AHCY: variants seen among roughly 807,000 people sequenced by gnomAD.
AHCY encodes the protein S-adenosyl-L-homocysteine hydrolase.
AHCY carries 24 observed loss-of-function variants against 45.4 expected under a neutral mutation model. The ratio of observed to expected loss-of-function variants is 0.53; its 90% CI spans 0.38 to 0.74. AHCY has a LOEUF of 0.74. Among genes scored for constraint, AHCY ranks in the 30% least tolerant of loss-of-function variants. AHCY has a pLI of 0.00. For missense variants in AHCY, 449 were observed against 594.1 expected (o/e 0.76, Z 2.54); for synonymous variants, 245 against 235.1 (o/e 1.04, Z -0.39).
chr20:34,279,779 A>T (rs554335379), downstream of AHCY, among the ~76,000 whole-genome samples: 1 of 152,108 alleles, frequency 6.6e-6, no homozygotes, highest in Non-Finnish European at 1.5e-5. Context: ...GTTTTACTTG[A>T]CATTGTATCT....
intron 9 of AHCY, among the ~76,000 whole-genome samples, chr20:34,284,678 C>A (rs1249986403): frequency 1.3e-5 from 2 of 152,082 alleles, no homozygotes; most frequent in Non-Finnish European, 2.9e-5. Flanking sequence ...AAAAAATTAG[C>A]CAAGTGTGGT....
At chr20:34,298,069 G>A (rs919270496) in intron 1 of AHCY, among the ~76,000 whole-genome samples, 3 of 152,056 alleles carry the variant, frequency 2.0e-5, no homozygotes, top group African/African-American at 4.8e-5. Flanking sequence ...AACCTGGGAG[G>A]CAGAGGCTGC....
At chr20:34,255,335 T>C in the AHCY span, among the ~76,000 whole-genome samples, 72 of 152,250 alleles carry the variant, frequency 4.7e-4, 1 homozygote, top group Middle Eastern at 6.8e-3. Flanking sequence ...TCTTTCTTCC[T>C]TTCTTTTCTT....
In AHCY at chr20:34,285,578, C is replaced by G. The variant is rs1317261970; in HGVS notation, c.1029G>C (p.Arg343=). The stretch of plus-strand genomic sequence containing the variant: ...CCATGGCACAACCCAGGTTGACCAG[C>G]CGACCCTCGGCCAGCAGGATGATGC... ...GRRIILLAEG[R]LVNLGCAMGH... The change falls in exon 9 of 10, where the codon CGG becomes CGC. Residue 343 remains arginine (R), a synonymous_variant. Coordinates refer to ENST00000217426, the MANE Select transcript of AHCY (RefSeq NM_000687.4). 1 of 1,613,934 alleles carries G rather than the reference C, an allele frequency of 6.2e-7. No homozygotes were observed. The highest frequency in any genetic ancestry group is 1.7e-5 in the Admixed American group (1 of 59,982).
chr20:34,286,830 G>A (rs1178768040), intron 8 of AHCY, among the ~76,000 whole-genome samples: 5 of 73,880 alleles, frequency 6.8e-5, no homozygotes, highest in African/African-American at 1.8e-4. Context: ...GCGAAACTCC[G>A]TCTCAAAAAA....
At chr20:34,263,097 G>A in the AHCY span, among the ~76,000 whole-genome samples, 1 of 152,296 alleles carries the variant, frequency 6.6e-6, no homozygotes. Flanking sequence ...AGTCCACTGA[G>A]CAAAATAGGT....
At position 34,292,362 on chromosome 20, in the gene AHCY, C is replaced by T; in HGVS notation, c.441G>A (p.Leu147=). The part of the protein sequence containing the change: ...NLIHTKYPQL[L]PGIRGISEET... ...CACCTGCCCCGCCCTGCTCACCTGGCAGAAGCTGCGGGTACTTGGTGTGGA... is the reference window on the plus strand; with the variant it reads ...CACCTGCCCCGCCCTGCTCACCTGGTAGAAGCTGCGGGTACTTGGTGTGGA... Residue 147 remains leucine (L), a synonymous_variant, in exon 4 of 10, where the codon CTG becomes CTA. Coordinates refer to ENST00000217426, the MANE Select transcript of AHCY (RefSeq NM_000687.4). The T allele has an allele frequency of 1.2e-6, 2 of 1,613,074 alleles. No individual in the cohort carries two copies. The highest frequency in any genetic ancestry group is 1.9e-4 in the Middle Eastern group (1 of 5,332).
At position 34,309,941 on chromosome 20, in the gene AHCY, G is replaced by T. The variant is rs11700130; in HGVS notation, c.-57+1531C>A. ...AGAAGGAAGGAAGGAAGGGAAGGAGGGAGGGAAGGGAAGGAAGGAAACAAT... is the reference window on the plus strand; with the variant it reads ...AGAAGGAAGGAAGGAAGGGAAGGAGTGAGGGAAGGGAAGGAAGGAAACAAT... On this transcript the variant is annotated intron_variant, in intron 1 of 9. Coordinates refer to the AHCY transcript ENST00000538132. Among the ~76,000 whole-genome samples, 653 of 151,594 alleles carry T rather than the reference G, an allele frequency of 4.3e-3. 1 individual carries two copies. Among genetic ancestry groups the T allele is most frequent in the Non-Finnish European group, 7.4e-3 (501 of 67,866 alleles).
chr20:34,260,315 T>C, the AHCY span: 1 of 1,544,582 alleles, frequency 6.5e-7, no homozygotes, highest in Admixed American at 1.8e-5. Flanking sequence ...GAAGGCCTCT[T>C]ACCATTACCC....
chr20:34,234,520 C>CCTTT, the AHCY span, among the ~76,000 whole-genome samples: 1 of 151,954 alleles, frequency 6.6e-6, no homozygotes, highest in Non-Finnish European at 1.5e-5. Context: ...TTCCTTCCTT[C>CCTTT]CTTCCTTTCT....
At chr20:34,308,655 A>ATT (rs745327223) in intron 1 of AHCY, among the ~76,000 whole-genome samples, 5 of 142,526 alleles carry the variant, frequency 3.5e-5, no homozygotes, top group East Asian at 2.0e-4. Flanking sequence ...TAATTTGGCA[A>ATT]TTTTTTTTTT....
chr20:34,274,261 T>C, the AHCY span, among the ~76,000 whole-genome samples: 1 of 152,188 alleles, frequency 6.6e-6, no homozygotes, highest in Non-Finnish European at 1.5e-5. Context: ...ACTATCAAAT[T>C]AACGTCTTGA....
chr20:34,278,299 C>T (rs1601629365), downstream of AHCY, among the ~76,000 whole-genome samples: 2 of 152,296 alleles, frequency 1.3e-5, no homozygotes, highest in Admixed American at 6.5e-5. Context: ...GAAACCAGAA[C>T]TCCTGGAAGA....
At chr20:34,265,287 T>C in the AHCY span, among the ~76,000 whole-genome samples, 5 of 146,270 alleles carry the variant, frequency 3.4e-5, no homozygotes, top group Non-Finnish European at 7.6e-5. Flanking sequence ...CTTTGGGAGG[T>C]TGAGGTTGGC....
chr20:34,305,665 CAGCA>C (rs1416999276), upstream of AHCY, among the ~76,000 whole-genome samples: 1 of 152,130 alleles, frequency 6.6e-6, no homozygotes, highest in African/African-American at 2.4e-5. Context: ...ATTACCAGCA[CAGCA>C]AACAAGTAGA....
At chr20:34,262,810 C>T in the AHCY span, 41 of 1,613,616 alleles carry the variant, frequency 2.5e-5, no homozygotes, top group Non-Finnish European at 3.4e-5. Context: ...TCTGACTTTG[C>T]TCCTTTTGTC....
downstream of AHCY, chr20:34,280,197 C>A (rs950401366): frequency 6.6e-6 from 1 of 152,200 alleles, no homozygotes; most frequent in African/African-American, 2.4e-5. Flanking sequence ...TTCATCAGCA[C>A]GACTATAACC....
At chr20:34,243,790 C>T in the AHCY span, among the ~76,000 whole-genome samples, 4 of 149,794 alleles carry the variant, frequency 2.7e-5, no homozygotes, top group East Asian at 5.8e-4. Flanking sequence ...TCTCGCCGGG[C>T]GCGGTGGCTC....
In AHCY at chr20:34,285,497, G is replaced by T. The variant is rs138006791; in HGVS notation, c.1110C>A (p.Ile370=). Residue 370 remains isoleucine (I), a synonymous_variant, in exon 9 of 10, where the codon ATC becomes ATA. Coordinates refer to ENST00000217426, the MANE Select transcript of AHCY (RefSeq NM_000687.4). Reference sequence around the variant, plus strand: ...ACTTGTCTGGATGGGTCCACAGCTCGATCTGCGCCATCACCTGGTTGGTGA... The same window carrying T: ...ACTTGTCTGGATGGGTCCACAGCTCTATCTGCGCCATCACCTGGTTGGTGA... The part of the protein sequence containing the change: ...NSFTNQVMAQ[I]ELWTHPDKYP... 1.5e-5 allele frequency: 25 copies of T among 1,613,954 alleles called. No homozygotes were observed. Among genetic ancestry groups the T allele is most frequent in the East Asian group, 2.2e-5 (1 of 44,890 alleles).
Sources: allele counts gnomAD v4.1 joint callset (sites outside exome capture counted in the v4.1 genomes callset), GRCh38; gene constraint gnomAD v4.1.1; transcripts MANE v1.5; gene names NCBI Gene and HGNC (gene_info 2026-07-23, HGNC 2026-07-21).